Variants in TRPM3 observed in about 807,000 individuals in gnomAD.
TRPM3 encodes the protein long transient receptor potential channel 3.
A neutral mutation model predicts 181.2 loss-of-function variants in TRPM3; 77 were observed. The ratio of observed to expected loss-of-function variants is 0.42; its 90% confidence interval spans 0.35 to 0.51. The LOEUF (loss-of-function observed/expected upper bound fraction) is 0.51. TRPM3 is among the 20% of genes least tolerant of loss of function. TRPM3 has a pLI of 0.01. For synonymous variants in TRPM3, 745 were observed against 796.4 expected, an observed-to-expected ratio of 0.94 and a Z score of 1.09; for missense variants, 1,759 against 2,196.7, an observed-to-expected ratio of 0.80 and a Z score of 3.98.
At chr9:71,423,881 A>AC (rs2093819728) in intron 1 of TRPM3, among the ~76,000 whole-genome samples, 1 of 152,100 alleles carries the variant, frequency 6.6e-6, no homozygotes, top group East Asian at 1.9e-4. Context: ...TACAAACTCT[A>AC]CCAACTAACC....
intron 9 of TRPM3, among the ~76,000 whole-genome samples, chr9:70,663,819 C>G (rs2061446676): frequency 6.6e-6 from 1 of 152,128 alleles, no homozygotes; most frequent in Non-Finnish European, 1.5e-5. Flanking sequence ...GTCTGGTTAC[C>G]CTTTACTGGA....
At chr9:71,425,445 A>G (rs1477765751) in intron 1 of TRPM3, among the ~76,000 whole-genome samples, 1 of 152,154 alleles carries the variant, frequency 6.6e-6, no homozygotes, top group African/African-American at 2.4e-5. Flanking sequence ...TCAGAAACAT[A>G]GGACCCATTC....
intron 10 of TRPM3, among the ~76,000 whole-genome samples, 192 bp from the exon 11 acceptor site, chr9:70,639,386 C>T (rs1160409135): frequency 6.6e-6 from 1 of 152,164 alleles, no homozygotes; most frequent in Non-Finnish European, 1.5e-5. Context: ...TGTTTGGGTG[C>T]CTGTCTTTGC....
At position 70,941,935 on chromosome 9, in the gene TRPM3, T is replaced by C. The variant is rs765570407; in HGVS notation, c.178-77424A>G. 4.0e-4 allele frequency among the ~76,000 whole-genome samples: 61 copies of C among 152,206 alleles called. 1 individual carries two copies. The highest frequency in any genetic ancestry group is 6.3e-4 in the Non-Finnish European group (43 of 68,024). ...CTTGAAAAAAAAATTAACTTGTCTA[T>C]TTGTTTCAAAAAGAATCAGACAGAG... is the stretch of plus-strand genomic sequence containing the variant. On this transcript the variant is annotated intron_variant, in intron 1 of 25. Coordinates refer to ENST00000677713, the MANE Select transcript of TRPM3 (RefSeq NM_001366145.2).
At chr9:70,547,828 C>T (rs1270316752) in intron 25 of TRPM3, among the ~76,000 whole-genome samples, 1 of 152,140 alleles carries the variant, frequency 6.6e-6, no homozygotes, top group Non-Finnish European at 1.5e-5. Context: ...GGAACAGGGC[C>T]TTGGGGAAGG....
intron 6 of TRPM3, among the ~76,000 whole-genome samples, chr9:70,813,324 C>T (rs1047940829): frequency 6.6e-6 from 1 of 152,170 alleles, no homozygotes; most frequent in African/African-American, 2.4e-5. Flanking sequence ...GAATACTATG[C>T]AGCCATAAAA....
intron 1 of TRPM3, among the ~76,000 whole-genome samples, chr9:71,443,698 A>G (rs539633539): frequency 9.9e-5 from 15 of 152,240 alleles, no homozygotes; most frequent in African/African-American, 3.1e-4. Context: ...ATATTTAGTG[A>G]TAAGTAGGTA....
intron 3 of TRPM3, among the ~76,000 whole-genome samples, chr9:70,858,036 T>C (rs1411378796): frequency 6.6e-6 from 1 of 152,150 alleles, no homozygotes; most frequent in Non-Finnish European, 1.5e-5. Flanking sequence ...AACATTGTAA[T>C]AATGATTATG....
At chr9:71,353,250 T>C (rs1476055349) in intron 1 of TRPM3, among the ~76,000 whole-genome samples, 2 of 152,156 alleles carry the variant, frequency 1.3e-5, no homozygotes, top group Non-Finnish European at 2.9e-5. Flanking sequence ...TTAAGTGCTA[T>C]TTGACTCCCT....
In TRPM3 at chr9:71,240,379, T is replaced by C. The variant is rs576701214; in HGVS notation, c.183+206274A>G. 2.6e-5 allele frequency among the ~76,000 whole-genome samples: 4 copies of C among 152,312 alleles called. No homozygotes were observed. The East Asian group carries it at 7.7e-4, about 29-fold the overall frequency. ...AAGAATTATGCTGTGTTCATCTTTT[T>C]ATCCCTGGTGTTCCATTTACTAGAG... On this transcript the variant is annotated intron_variant, in intron 1 of 24. Transcript: ENST00000357533.
intron 18 of TRPM3, 113 bp from the exon 19 acceptor site, chr9:70,610,862 C>G (rs1428132636): frequency 7.7e-7 from 1 of 1,300,936 alleles, no homozygotes; most frequent in Admixed American, 2.2e-5. Flanking sequence ...GAACCCAAGG[C>G]CCCAGAGATT....
At chr9:71,267,013 T>C (rs997080664) in intron 1 of TRPM3, among the ~76,000 whole-genome samples, 5 of 151,748 alleles carry the variant, frequency 3.3e-5, no homozygotes, top group African/African-American at 1.2e-4. Flanking sequence ...TGATTCCACA[T>C]GACTCAAATT....
At chr9:70,779,962 C>T (rs1420097563) in intron 7 of TRPM3, among the ~76,000 whole-genome samples, 2 of 152,114 alleles carry the variant, frequency 1.3e-5, no homozygotes, top group South Asian at 2.1e-4. Flanking sequence ...GAGACTCAAA[C>T]AAGAATTTAA....
chr9:71,356,702 GA>G (rs1433321625), intron 1 of TRPM3, among the ~76,000 whole-genome samples: 1 of 152,122 alleles, frequency 6.6e-6, no homozygotes, highest in Non-Finnish European at 1.5e-5. Context: ...TTATTGTGAA[GA>G]GAACTTTTTG....
At chr9:70,637,594 A>G (rs1398639084) in intron 11 of TRPM3, among the ~76,000 whole-genome samples, 1 of 152,132 alleles carries the variant, frequency 6.6e-6, no homozygotes, top group African/African-American at 2.4e-5. Context: ...TGCTGAACCA[A>G]GAAAAGTCTC....
chr9:71,229,429 C>T (rs2080903628), intron 1 of TRPM3, among the ~76,000 whole-genome samples: 1 of 151,960 alleles, frequency 6.6e-6, no homozygotes, highest in Non-Finnish European at 1.5e-5. Flanking sequence ...TGAGTAATAC[C>T]CCACAAGCAC....
intron 1 of TRPM3, among the ~76,000 whole-genome samples, chr9:71,420,759 GAGAGAGAA>G (rs2093729584): frequency 1.8e-4 from 6 of 33,464 alleles, no homozygotes; most frequent in African/African-American, 6.4e-4. Flanking sequence ...GAGAGAGAAA[GAGAGAGAA>G]AGAGAGAGAA....
chr9:70,559,052 A>G (rs1413611776), intron 22 of TRPM3, among the ~76,000 whole-genome samples: 1 of 152,256 alleles, frequency 6.6e-6, no homozygotes, highest in African/African-American at 2.4e-5. Context: ...TTTGGAGCAC[A>G]GCCTTCCAAT....
chr9:70,756,054 G>A (rs745417904), intron 8 of TRPM3, among the ~76,000 whole-genome samples: 4 of 151,950 alleles, frequency 2.6e-5, no homozygotes, highest in Non-Finnish European at 5.9e-5. Context: ...GCTGTATTCT[G>A]GAGACCTATC....
Sources: allele counts gnomAD v4.1 joint callset (sites outside exome capture counted in the v4.1 genomes callset), GRCh38; gene constraint gnomAD v4.1.1; transcripts MANE v1.5; gene names NCBI Gene and HGNC (gene_info 2026-07-23, HGNC 2026-07-21).